The following OVOL1 variants were observed in gnomAD, a reference collection of about 807,000 sequenced individuals.
OVOL1 encodes the protein ovo like transcriptional repressor 1, also known as putative transcription factor Ovo-like 1.
In OVOL1, 10 loss-of-function variants were observed where a neutral mutation model predicts 21.5. The ratio of observed to expected loss-of-function variants is 0.46; its 90% CI spans 0.29 to 0.79. The LOEUF (loss-of-function observed/expected upper bound fraction) is 0.79. Among genes scored for constraint, OVOL1 ranks in the 30% least tolerant of loss-of-function variants. OVOL1 has a pLI of 0.10. For missense variants in OVOL1, 279 were observed against 362.3 expected (o/e 0.77, Z 1.87); for synonymous variants, 129 against 150.3 (o/e 0.86, Z 1.03).
intron 1 of OVOL1, chr11:65,790,624 TC>T (rs1333922117): frequency 6.6e-6 from 1 of 152,418 alleles, no homozygotes; most frequent in Non-Finnish European, 1.5e-5. Context: ...CTGTAGTCAT[TC>T]CTGGGCCGTG....
chr11:65,794,990 G>T, intron 3 of OVOL1, 56 bp from the exon 4 acceptor site: 1 of 1,561,794 alleles, frequency 6.4e-7, no homozygotes, highest in Non-Finnish European at 8.7e-7. Flanking sequence ...GGAAGCAGCC[G>T]ACAGCCTCTG....
chr11:65,789,833 A>G (rs1857974836), intron 1 of OVOL1: 1 of 318,218 alleles, frequency 3.1e-6, no homozygotes, highest in Non-Finnish European at 4.5e-6. Flanking sequence ...AAGGTTTTAC[A>G]GGCCAGAGAC....
At chr11:65,788,756 C>A in intron 1 of OVOL1, 1 of 985,460 alleles carries the variant, frequency 1.0e-6, no homozygotes. Flanking sequence ...TTCCTTAAAA[C>A]AAGGGAATGT....
In OVOL1 at chr11:65,795,507, G is replaced by A. The variant is rs144263047; in HGVS notation, c.*166G>A. On this transcript the variant is annotated 3_prime_UTR_variant, in exon 4 of 4. Coordinates refer to ENST00000335987, the MANE Select transcript of OVOL1 (RefSeq NM_004561.4). The surrounding 1 kb of genome is among the most constrained non-coding windows in gnomAD (Gnocchi z 5.7). Reference sequence around the variant, plus strand: ...CCCCTGGGCACACGTGCTCACTCAGGCCCAGCAATGACCTCTGCTCATTTT... The same window carrying A: ...CCCCTGGGCACACGTGCTCACTCAGACCCAGCAATGACCTCTGCTCATTTT... The A allele has an allele frequency of 4.0e-4, 251 of 635,024 alleles. 2 individuals are homozygous for A. In the East Asian group the frequency reaches 6.7e-3, roughly 17 times the overall value. 39.3% of individuals were successfully genotyped at this position (635,024 alleles called of 1,614,324 possible). A position where few individuals can be genotyped will look rare whatever the true frequency, so the allele number is the denominator to read the frequency against.
At chr11:65,792,089 G>A (rs1591000017) in intron 1 of OVOL1, among the ~76,000 whole-genome samples, 3 of 152,206 alleles carry the variant, frequency 2.0e-5, no homozygotes, top group African/African-American at 7.2e-5. Flanking sequence ...GGACCAGAGA[G>A]CCAAAGCAGG....
chr11:65,795,886 GCA>G lies in OVOL1; in HGVS notation c.*550_*551del, dbSNP rs1858122556. 2 of 176,330 alleles carry G rather than the reference GCA, an allele frequency of 1.1e-5. No individual in the cohort carries two copies. Among genetic ancestry groups the G allele is most frequent in the Non-Finnish European group, 2.5e-5 (2 of 80,654 alleles). 10.9% of individuals were successfully genotyped at this position (176,330 alleles called of 1,614,324 possible). A position where few individuals can be genotyped will look rare whatever the true frequency, so the allele number is the denominator to read the frequency against. On this transcript the variant is annotated 3_prime_UTR_variant, in exon 4 of 4. Coordinates refer to ENST00000335987, the MANE Select transcript of OVOL1 (RefSeq NM_004561.4). This position sits in a 1 kb window ranked among gnomAD's most constrained non-coding sequence, Gnocchi z 5.7. Reference sequence around the variant, plus strand: ...GGCTCTGTCCTTCCGGCAAGGAGAGGCACACATGTGTGCCCAGCCGTGTGTGT... The same window carrying G: ...GGCTCTGTCCTTCCGGCAAGGAGAGGCACATGTGTGCCCAGCCGTGTGTGT...
chr11:65,791,863 CCAGTTCTGCTTCCTGCCT>C, intron 1 of OVOL1, among the ~76,000 whole-genome samples: 1 of 152,370 alleles, frequency 6.6e-6, no homozygotes, highest in South Asian at 2.1e-4. Flanking sequence ...CAGGGCCCAA[CCAGTTCTGCTTCCTGCCT>C]CCTGCCACTC....
chr11:65,787,641 C>T (rs1483170519), intron 1 of OVOL1, among the ~76,000 whole-genome samples, 168 bp downstream of exon 1: 1 of 151,562 alleles, frequency 6.6e-6, no homozygotes, highest in Non-Finnish European at 1.5e-5. Context: ...CGACCCGGGA[C>T]TCGGGGGGCG....
intron 1 of OVOL1, among the ~76,000 whole-genome samples, chr11:65,792,785 G>A (rs937642321): frequency 1.2e-4 from 18 of 152,220 alleles, no homozygotes; most frequent in African/African-American, 3.9e-4. Flanking sequence ...GGCCTCTCCC[G>A]AAACTTCAGC....
rs1327353718 is a variant in OVOL1 at position 65,797,159 on chromosome 11, G to A, written c.*1818G>A. ...CAATCCGAGGCCGTCATGAAGCTCT[G>A]TGTTGTCTGTTTTATTTTATAACCT... On this transcript the variant is annotated 3_prime_UTR_variant, in exon 4 of 4. Transcript: ENST00000335987. The A allele has an allele frequency of 6.6e-6, 1 of 152,182 alleles. No homozygotes were observed. The highest frequency in any genetic ancestry group is 1.5e-5 in the Non-Finnish European group (1 of 68,042). 9.4% of individuals were successfully genotyped at this position (152,182 alleles called of 1,614,324 possible). A position where few individuals can be genotyped will look rare whatever the true frequency, so the allele number is the denominator to read the frequency against.
intron 1 of OVOL1, chr11:65,790,204 G>T (rs928933926): frequency 3.3e-5 from 5 of 151,920 alleles, no homozygotes; most frequent in African/African-American, 9.7e-5. Flanking sequence ...CAGGAACAGG[G>T]TTGAAGCTGG....
rs555385063 is a variant in OVOL1, at chr11:65,790,827, C to T, written c.101-3204C>T. 8.1e-4 allele frequency: 124 copies of T among 152,460 alleles called. 1 individual carries two copies. Among genetic ancestry groups the T allele is most frequent in the South Asian group, 8.3e-4 (4 of 4,824 alleles). 9.4% of individuals were successfully genotyped at this position (152,460 alleles called of 1,614,324 possible). A position where few individuals can be genotyped will look rare whatever the true frequency, so the allele number is the denominator to read the frequency against. Reference sequence around the variant, plus strand: ...TGTGCTGAGCTTGGGTGTCCCGAGGCGGAAACCTGGCAGATGATTTGTCTC... The same window carrying T: ...TGTGCTGAGCTTGGGTGTCCCGAGGTGGAAACCTGGCAGATGATTTGTCTC... On this transcript the variant is annotated intron_variant, in intron 1 of 3. Transcript: ENST00000335987.
intron 3 of OVOL1, 75 bp from the exon 4 acceptor site, chr11:65,794,971 T>A (rs1858099755): frequency 1.3e-6 from 2 of 1,486,974 alleles, no homozygotes; most frequent in Non-Finnish European, 1.8e-6. Flanking sequence ...TCCTGTCCTT[T>A]CTGTGTCTGG....
intron 1 of OVOL1, chr11:65,788,963 G>T (rs566454964): frequency 5.1e-6 from 5 of 985,734 alleles, no homozygotes; most frequent in African/African-American, 1.7e-5. Context: ...CCCCCTCCCC[G>T]CTCCGCCCTC....
chr11:65,794,877 C>A, intron 3 of OVOL1, 150 bp downstream of exon 3: 1 of 1,000,640 alleles, frequency 1.0e-6, no homozygotes, highest in Non-Finnish European at 1.5e-6. Flanking sequence ...CTGAGCTCAT[C>A]AGTTAGGAGT....
Position 65,795,375 on chromosome 11 carries a change from C to T in OVOL1, c.*34C>T. 6.5e-7 allele frequency: 1 copy of T among 1,533,842 alleles called. No individual in the cohort carries two copies. The highest frequency in any genetic ancestry group is 8.8e-7 in the Non-Finnish European group (1 of 1,142,370). On this transcript the variant is annotated 3_prime_UTR_variant, in exon 4 of 4. Transcript: ENST00000335987. This position sits in a 1 kb window ranked among gnomAD's most constrained non-coding sequence, Gnocchi z 5.7. ...AGCCCTGGGGGTGCTCCTGGAAGCC[C>T]CAAGAGCATCCAGGATTGCCTCCCA...
intron 2 of OVOL1, 32 bp downstream of exon 2, chr11:65,794,280 G>C (rs766980562): frequency 1.9e-6 from 3 of 1,575,020 alleles, no homozygotes; most frequent in East Asian, 2.2e-5. Flanking sequence ...CCGAGGGCCG[G>C]GGGCGTGCAT....
chr11:65,787,896 G>A (rs1393114435), intron 1 of OVOL1, among the ~76,000 whole-genome samples: 1 of 152,238 alleles, frequency 6.6e-6, no homozygotes, highest in Admixed American at 6.5e-5. Context: ...GCGGGGAGCG[G>A]GCTGGAGTTT....
At chr11:65,792,313 T>C (rs1033600096) in intron 1 of OVOL1, 3 of 152,298 alleles carry the variant, frequency 2.0e-5, no homozygotes, top group Non-Finnish European at 4.4e-5. Flanking sequence ...CCTGCTGTGG[T>C]GCAGCTGGGG....
Sources: allele counts gnomAD v4.1 joint callset (sites outside exome capture counted in the v4.1 genomes callset), GRCh38; gene constraint gnomAD v4.1.1; non-coding constraint Gnocchi (gnomAD v3.1); transcripts MANE v1.5; gene names NCBI Gene and HGNC (gene_info 2026-07-23, HGNC 2026-07-21).